Variants in PLEC observed in about 807,000 individuals in gnomAD.
PLEC encodes the protein hemidesmosomal protein 1.
Under a neutral mutation model 392.8 loss-of-function variants are expected in PLEC, and 216 were observed. That is an observed-to-expected ratio of 0.55 (90% CI 0.49 to 0.62). PLEC has a LOEUF of 0.62. PLEC is among the 20% of genes least tolerant of loss of function. The pLI, the probability that PLEC is intolerant of heterozygous loss-of-function variation, is 0.00. For missense variants in PLEC, 6,863 were observed against 6,563.4 expected (o/e 1.05, Z -1.58); for synonymous variants, 3,621 against 2,980.6 (o/e 1.21, Z -7.00).
chr8:143,950,835 C>T (rs1396927472), exon 1 of PLEC: 18 of 1,482,336 alleles, frequency 1.2e-5, no homozygotes, highest in Admixed American at 8.5e-5. Flanking sequence ...GGCAGGCGGG[C>T]GGGCAGGCAG....
chr8:143,937,843 C>T (rs1829462012), intron 3 of PLEC: 1 of 586,436 alleles, frequency 1.7e-6, no homozygotes, highest in Non-Finnish European at 3.2e-6. Flanking sequence ...AGAGTCCAAG[C>T]AGCAGAGAAA....
intron 1 of PLEC, among the ~76,000 whole-genome samples, chr8:143,966,829 C>T (rs1833122195): frequency 6.6e-6 from 1 of 152,130 alleles, no homozygotes; most frequent in Admixed American, 6.5e-5. Flanking sequence ...CCCACAAGCC[C>T]ACGGCCAGAC....
At position 143,919,037 on chromosome 8, in the gene PLEC, A is replaced by T; in HGVS notation, c.10784T>A (p.Leu3595Gln). ...MSLWEVMQSD[L>Q]IPEEQRAQLM... ...CTGGGCCCGCTGCTCCTCGGGGATC[A>T]GGTCCGACTGCATCACCTCCCACAG... The change falls in exon 32 of 32, where the codon CTG (leucine) becomes CAG (glutamine). Residue 3595 changes from leucine to glutamine, a missense_variant. Physicochemically the swap from Leu to Gln is moderately radical, Grantham distance 113. Transcript: ENST00000345136. The T allele has an allele frequency of 6.2e-7, 1 of 1,611,274 alleles. No homozygotes were observed. Among genetic ancestry groups the T allele is most frequent in the Non-Finnish European group, 8.5e-7 (1 of 1,179,994 alleles).
chr8:143,937,778 C>T, intron 3 of PLEC: 1 of 511,020 alleles, frequency 2.0e-6, no homozygotes, highest in Non-Finnish European at 3.8e-6. Flanking sequence ...ACGTCCCGCT[C>T]CCTCGGCTGC....
chr8:143,942,443 C>T (rs782087190), upstream of PLEC: 2 of 1,603,282 alleles, frequency 1.2e-6, no homozygotes, highest in African/African-American at 2.7e-5. Flanking sequence ...GGCTCGCAGC[C>T]CCCGTCCAGC....
upstream of PLEC, among the ~76,000 whole-genome samples, chr8:143,957,897 C>T (rs189217741): frequency 6.7e-3 from 1,005 of 150,932 alleles, 5 homozygotes; most frequent in African/African-American, 0.023. Context: ...GACCCAGTGA[C>T]CCCATGCAGA....
At chr8:143,927,825 G>C (rs782720653) in intron 26 of PLEC, 29 bp downstream of exon 26, 2 of 1,580,184 alleles carry the variant, frequency 1.3e-6, no homozygotes, top group Non-Finnish European at 1.7e-6. Context: ...CCCCCACCCC[G>C]CCATGAAGCC....
rs782259190 is a variant in PLEC, at chr8:143,927,574, G to A, written c.3592C>T (p.Arg1198Trp). ...WQAVLAQTDVRQRELEQLGRQ... is the reference protein window; with the variant it reads ...WQAVLAQTDVWQRELEQLGRQ... ...CCCAGTTGCTCGAGCTCGCGCTGCCGCACGTCGGTCTGGGCCAGCACAGCC... is the reference window on the plus strand; with the variant it reads ...CCCAGTTGCTCGAGCTCGCGCTGCCACACGTCGGTCTGGGCCAGCACAGCC... Residue 1198 changes from arginine (R) to tryptophan (W), a missense_variant, in exon 27 of 32, where the codon CGG (arginine) becomes TGG (tryptophan). Coordinates refer to ENST00000345136, the MANE Select transcript of PLEC (RefSeq NM_201384.3). 9 of 1,590,322 alleles carry A rather than the reference G, an allele frequency of 5.7e-6. No individual in the cohort carries two copies. In the Admixed American group the frequency reaches 6.8e-5, roughly 12 times the overall value.
In PLEC at chr8:143,924,815, G is replaced by T. The variant is rs781835502; in HGVS notation, c.5114C>A (p.Ala1705Glu). Residue 1705 changes from alanine to glutamate, a missense_variant, in exon 31 of 32, where the codon GCG becomes GAG. Ala to Glu is a moderately radical substitution (Grantham distance 107). Coordinates refer to ENST00000345136, the MANE Select transcript of PLEC (RefSeq NM_201384.3). ...CTGCTCCGCGGCCAGGCGCTGCTGC[G>T]CGGTGCCTTCCGCCAGCTGCCGCTG... is the stretch of plus-strand genomic sequence containing the variant. ...EKQRQLAEGT[A>E]QQRLAAEQEL... The T allele has an allele frequency of 1.3e-6, 2 of 1,540,992 alleles. No individual in the cohort carries two copies. Among genetic ancestry groups the T allele is most frequent in the Non-Finnish European group, 1.7e-6 (2 of 1,150,148 alleles).
At position 143,916,029 on chromosome 8, in the gene PLEC, GAT is replaced by G. The variant is rs1820395323; in HGVS notation, c.*146_*147del. 3 of 580,160 alleles carry G rather than the reference GAT, an allele frequency of 5.2e-6. No homozygotes were observed. The highest frequency in any genetic ancestry group is 4.5e-5 in the South Asian group (2 of 44,004). The allele number at this position is 580,160 out of a possible 1,614,324, so 35.9% of individuals were successfully genotyped here. On this transcript the variant is annotated 3_prime_UTR_variant, in exon 32 of 32. Transcript: ENST00000345136. ...CAAGATACAGGCTGTCTGGACAGCA[GAT>G]ATATATTAATATATTAGTCTGGTCT...
At position 143,973,288 on chromosome 8, in the gene PLEC, C is replaced by T. The variant is rs2132989277; in HGVS notation, c.70+115G>A. The T allele has an allele frequency of 1.5e-6, 2 of 1,311,396 alleles. No homozygotes were observed. Among genetic ancestry groups the T allele is most frequent in the Non-Finnish European group, 2.1e-6 (2 of 959,238 alleles). The allele number at this position is 1,311,396 out of a possible 1,614,324, so 81.2% of individuals were successfully genotyped here. A position where few individuals can be genotyped will look rare whatever the true frequency, so the allele number is the denominator to read the frequency against. ...TTGGGGGCGATCCAGGCGGACGAGG[C>T]CGGCGGAGTGGCCGCGCTCGGGCCG... On this transcript the variant is annotated intron_variant, in intron 1 of 31. Coordinates refer to the PLEC transcript ENST00000356346. The surrounding 1 kb of genome is among the most constrained non-coding windows in gnomAD (Gnocchi z 5.6).
Position 143,932,850 on chromosome 8 carries a change from G to T in PLEC, c.1680C>A (p.Gly560=), listed in dbSNP as rs1554718279. ...SVEAQLGSHR[G]LHQSIEEFRA... is the part of the protein sequence containing the mutation. ...GGAATTCTTCGATGGACTGGTGCAG[G>T]CCTCGGTGGCTGCCCAGCTGCGCCT... The change falls in exon 14 of 32, where the codon GGC becomes GGA. Residue 560 remains glycine (G), a synonymous_variant. Coordinates refer to ENST00000345136, the MANE Select transcript of PLEC (RefSeq NM_201384.3). 3 of 1,610,552 alleles carry T rather than the reference G, an allele frequency of 1.9e-6. No homozygotes were observed. In the South Asian group the frequency reaches 3.3e-5, roughly 18 times the overall value.
At chr8:143,944,791 C>T in intron 1 of PLEC, 1 of 1,012,520 alleles carries the variant, frequency 9.9e-7, no homozygotes, top group Non-Finnish European at 1.3e-6. Context: ...GGCCGTGCTG[C>T]TGTCAGCAGC....
At position 143,917,651 on chromosome 8, in the gene PLEC, T is replaced by C. The variant is rs1821008932; in HGVS notation, c.12170A>G (p.Glu4057Gly). 6.2e-7 allele frequency: 1 copy of C among 1,613,582 alleles called. No individual in the cohort carries two copies. Among genetic ancestry groups the C allele is most frequent in the Non-Finnish European group, 8.5e-7 (1 of 1,179,966 alleles). ...CACCTCCACGGGCAGCCGGTGGCTC[T>C]CCTCAGGGTCGATGATGCCGCCCGT... ...IATGGIIDPE[E>G]SHRLPVEVAY... The change falls in exon 32 of 32, where the codon GAG becomes GGG. Residue 4057 changes from glutamate (E) to glycine (G), a missense_variant. By Grantham distance (98) the Glu-to-Gly change is moderately conservative. Coordinates refer to ENST00000345136, the MANE Select transcript of PLEC (RefSeq NM_201384.3).
At chr8:143,951,814 G>A (rs1832174837), upstream of PLEC, among the ~76,000 whole-genome samples, 1 of 152,092 alleles carries the variant, frequency 6.6e-6, no homozygotes, top group Admixed American at 6.5e-5. Flanking sequence ...AAGGGAAGAG[G>A]AAACTGCCCT....
At chr8:143,963,163 A>G (rs1192327140) in intron 1 of PLEC, among the ~76,000 whole-genome samples, 1 of 152,216 alleles carries the variant, frequency 6.6e-6, no homozygotes, top group Non-Finnish European at 1.5e-5. Flanking sequence ...TTACCAGCAG[A>G]AACACTGCCT....
intron 5 of PLEC, among the ~76,000 whole-genome samples, 168 bp downstream of exon 5, chr8:143,936,811 C>T (rs1829171342): frequency 6.6e-6 from 1 of 152,178 alleles, no homozygotes; most frequent in African/African-American, 2.4e-5. Context: ...CAGATCCAGT[C>T]CAGGGTTGCG....
In PLEC at chr8:143,939,108, C is replaced by T. The variant is rs564655573; in HGVS notation, c.112+242G>A. ...CGTGTGCTGCTGACAGGGCAGCGAACCTTCCCCAGAGCGCAGAGTTCCTCG... is the reference window on the plus strand; with the variant it reads ...CGTGTGCTGCTGACAGGGCAGCGAATCTTCCCCAGAGCGCAGAGTTCCTCG... On this transcript the variant is annotated intron_variant, in intron 1 of 31. Coordinates refer to ENST00000345136, the MANE Select transcript of PLEC (RefSeq NM_201384.3). Among the ~76,000 whole-genome samples the T allele has an allele frequency of 1.2e-3, 179 of 152,310 alleles. 1 individual carries two copies. Among genetic ancestry groups the T allele is most frequent in the African/African-American group, 4.0e-3 (166 of 41,582 alleles).
intron 3 of PLEC, 106 bp from the exon 4 acceptor site, chr8:143,937,348 G>A: frequency 1.2e-6 from 1 of 822,686 alleles, no homozygotes; most frequent in East Asian, 2.6e-5. Flanking sequence ...TCTTCCCCAG[G>A]GGGCAGCAGC....
Sources: allele counts gnomAD v4.1 joint callset (sites outside exome capture counted in the v4.1 genomes callset), GRCh38; gene constraint gnomAD v4.1.1; non-coding constraint Gnocchi (gnomAD v3.1); transcripts MANE v1.5; gene names NCBI Gene and HGNC (gene_info 2026-07-23, HGNC 2026-07-21).